The following ROR1 variants were observed in gnomAD, a reference collection of about 807,000 sequenced individuals.
The protein encoded by ROR1 is inactive tyrosine-protein kinase transmembrane receptor ROR1.
ROR1 carries 19 observed loss-of-function variants against 78.8 expected under a neutral mutation model. That is an observed-to-expected ratio of 0.24 (90% confidence interval 0.17 to 0.35). ROR1 has a LOEUF of 0.35. ROR1 is among the 10% of genes least tolerant of loss of function. The probability of loss-of-function intolerance (pLI) is 1.00; values close to 1 mark genes in which losing one functional copy is unlikely to be tolerated. For synonymous variants in ROR1, 386 were observed against 433.6 expected (o/e 0.89, Z 1.36); for missense variants, 917 against 1,177.8 (o/e 0.78, Z 3.24).
At chr1:64,158,530 C>A (rs901168760) in intron 7 of ROR1, among the ~76,000 whole-genome samples, 1 of 152,202 alleles carries the variant, frequency 6.6e-6, no homozygotes, top group Non-Finnish European at 1.5e-5. Context: ...AAGTCCAAAC[C>A]AGCCAAGACA....
chr1:63,846,651 G>A (rs564962364), intron 1 of ROR1, among the ~76,000 whole-genome samples: 2 of 152,278 alleles, frequency 1.3e-5, no homozygotes, highest in South Asian at 4.2e-4. Flanking sequence ...GAATCACAGA[G>A]CCTCTGTGTT....
intron 1 of ROR1, among the ~76,000 whole-genome samples, chr1:63,922,443 G>T (rs1381650283): frequency 6.6e-6 from 1 of 152,142 alleles, no homozygotes; most frequent in Non-Finnish European, 1.5e-5. Context: ...TCTGGTATCT[G>T]GTTAACAGTT....
At chr1:64,093,626 A>G (rs1001724766) in intron 4 of ROR1, among the ~76,000 whole-genome samples, 8 of 151,822 alleles carry the variant, frequency 5.3e-5, no homozygotes, top group Admixed American at 6.6e-5. Context: ...CTTCTAGGGA[A>G]CCCTTGGCCT....
chr1:63,985,476 A>G (rs993805563), intron 1 of ROR1, among the ~76,000 whole-genome samples: 9 of 152,170 alleles, frequency 5.9e-5, no homozygotes, highest in African/African-American at 2.2e-4. Flanking sequence ...TAAATGCTCC[A>G]AAACCTAAAA....
intron 1 of ROR1, among the ~76,000 whole-genome samples, chr1:63,782,029 A>T (rs1644654537): frequency 6.6e-6 from 1 of 151,912 alleles, no homozygotes; most frequent in Non-Finnish European, 1.5e-5. Flanking sequence ...CGCTCCTAGA[A>T]CTCTGGCCAG....
intron 1 of ROR1, among the ~76,000 whole-genome samples, chr1:63,921,890 C>T (rs1216014735): frequency 6.6e-6 from 1 of 152,172 alleles, no homozygotes; most frequent in African/African-American, 2.4e-5. Flanking sequence ...ACCAAAGAAA[C>T]ACTGCAAATG....
intron 1 of ROR1, among the ~76,000 whole-genome samples, chr1:63,961,083 CCTT>C (rs1646023503): frequency 6.6e-6 from 1 of 152,066 alleles, no homozygotes; most frequent in African/African-American, 2.4e-5. Context: ...TTTTCCCTTT[CCTT>C]CTTCCCTCCA....
In ROR1 at chr1:63,876,463, A is replaced by G. The variant is rs192470042; in HGVS notation, c.91+101955A>G. ...CAACCACCTCCATCCAACTACCTAA[A>G]GTGAAATATATTAGATGGAGAGGAG... On this transcript the variant is annotated intron_variant, in intron 1 of 8. Transcript: ENST00000371079. Among the ~76,000 whole-genome samples, 30 of 152,140 alleles carry G rather than the reference A, an allele frequency of 2.0e-4. No homozygotes were observed. The East Asian group carries it at 4.3e-3, about 22-fold the overall frequency.
At chr1:63,806,647 T>G (rs1423194318) in intron 1 of ROR1, among the ~76,000 whole-genome samples, 1 of 152,216 alleles carries the variant, frequency 6.6e-6, no homozygotes, top group African/African-American at 2.4e-5. Context: ...AATAATTTAG[T>G]GTTTTGTTTT....
chr1:64,015,235 T>C (rs1450836940), intron 2 of ROR1, among the ~76,000 whole-genome samples: 1 of 152,156 alleles, frequency 6.6e-6, no homozygotes, highest in African/African-American at 2.4e-5. Flanking sequence ...CCACGTCACA[T>C]AGGAATTGTG....
At chr1:63,940,864 C>T (rs891311661) in intron 1 of ROR1, among the ~76,000 whole-genome samples, 28 of 152,150 alleles carry the variant, frequency 1.8e-4, no homozygotes, top group Non-Finnish European at 4.4e-5. Flanking sequence ...AGCAGATGGA[C>T]ATCACAAGGC....
intron 4 of ROR1, among the ~76,000 whole-genome samples, chr1:64,064,428 A>C (rs923164581): frequency 6.6e-6 from 1 of 152,222 alleles, no homozygotes; most frequent in Non-Finnish European, 1.5e-5. Flanking sequence ...CATTAGGGGA[A>C]TGCTGCAAGA....
intron 4 of ROR1, among the ~76,000 whole-genome samples, chr1:64,098,960 A>G (rs1469097363): frequency 6.6e-6 from 1 of 152,040 alleles, no homozygotes; most frequent in Non-Finnish European, 1.5e-5. Context: ...GCCCTGTTTT[A>G]CAGTTCATAA....
At chr1:63,780,569 C>T (rs373520847) in intron 1 of ROR1, among the ~76,000 whole-genome samples, 65 of 152,268 alleles carry the variant, frequency 4.3e-4, no homozygotes, top group African/African-American at 1.4e-3. Context: ...ATTTGAAAAT[C>T]TGGCTTCAAA....
intron 1 of ROR1, among the ~76,000 whole-genome samples, chr1:63,841,541 G>A (rs1265775293): frequency 6.6e-6 from 1 of 152,168 alleles, no homozygotes; most frequent in Non-Finnish European, 1.5e-5. Context: ...TTACATGTAA[G>A]AGTTTGTAAT....
At chr1:63,833,459 GGAA>G (rs1434011185) in intron 1 of ROR1, among the ~76,000 whole-genome samples, 1 of 152,196 alleles carries the variant, frequency 6.6e-6, no homozygotes, top group Non-Finnish European at 1.5e-5. Context: ...GGGCCATCTT[GGAA>G]GAAGGATTGC....
chr1:63,979,837 G>C (rs965103092), intron 1 of ROR1, among the ~76,000 whole-genome samples: 10 of 152,090 alleles, frequency 6.6e-5, no homozygotes, highest in African/African-American at 2.2e-4. Context: ...CGTAGTGCTT[G>C]GTGAAAAAGG....
intron 4 of ROR1, among the ~76,000 whole-genome samples, chr1:64,065,359 T>G (rs559916810): frequency 6.6e-6 from 1 of 152,330 alleles, no homozygotes; most frequent in Admixed American, 6.5e-5. Context: ...TGATGAACTC[T>G]TACCTGAATT....
intron 1 of ROR1, among the ~76,000 whole-genome samples, chr1:63,898,838 C>G (rs936566985): frequency 6.6e-6 from 1 of 152,076 alleles, no homozygotes. Flanking sequence ...AGACCTTGCT[C>G]TTTGGCTTCT....
Sources: allele counts gnomAD v4.1 joint callset (sites outside exome capture counted in the v4.1 genomes callset), GRCh38; gene constraint gnomAD v4.1.1; transcripts MANE v1.5; gene names NCBI Gene and HGNC (gene_info 2026-07-23, HGNC 2026-07-21).